The following FHIT variants were observed in gnomAD, a reference collection of about 807,000 sequenced individuals.
FHIT encodes bis(5'-adenosyl)-triphosphatase.
In FHIT, 19 loss-of-function variants were observed where a neutral mutation model predicts 17.9. The observed-to-expected ratio is 1.06, with a 90% CI of 0.74 to 1.56. The LOEUF is 1.56. Among genes scored for constraint, FHIT ranks in the 40% most tolerant of loss-of-function variants. The pLI is 0.00. For missense variants in FHIT, 248 were observed against 189.2 expected (o/e 1.31, Z -1.82); for synonymous variants, 81 against 69.7 (o/e 1.16, Z -0.81).
chr3:60,124,009 T>TAGAG lies in FHIT; in HGVS notation c.104-109861_104-109858dup, dbSNP rs1168094593. Among the ~76,000 whole-genome samples, 88 of 12,152 alleles carry TAGAG rather than the reference T, an allele frequency of 7.2e-3. 10 individuals carry two copies. The highest frequency in any genetic ancestry group is 0.013 in the East Asian group (6 of 448). The allele number at this position is 12,152 out of a possible 152,430, so 8.0% of individuals were successfully genotyped here. A position where few individuals can be genotyped will look rare whatever the true frequency, so the allele number is the denominator to read the frequency against. Reference sequence around the variant, plus strand: ...ATATATATATATATATATATATATATAGAGAGAGAGAGAGAGAGAGAGAGA... The same window carrying TAGAG: ...ATATATATATATATATATATATATATAGAGAGAGAGAGAGAGAGAGAGAGAGAGA... On this transcript the variant is annotated intron_variant, in intron 5 of 9. Transcript: ENST00000492590.
At chr3:59,873,710 A>T (rs1237525250) in intron 8 of FHIT, among the ~76,000 whole-genome samples, 4 of 151,942 alleles carry the variant, frequency 2.6e-5, no homozygotes, top group African/African-American at 9.7e-5. Context: ...GACAATGCCA[A>T]ATGTGCCCCG....
In FHIT at chr3:60,722,846, C is replaced by T. The variant is rs147116055; in HGVS notation, c.-18+99073G>A. ...CAAATGATTCTCCTGCCTCAGCCTC[C>T]CAAGTAACTGAGATTACAGGCAGGA... On this transcript the variant is annotated intron_variant, in intron 4 of 9. Coordinates refer to ENST00000492590, the MANE Select transcript of FHIT (RefSeq NM_002012.4). Among the ~76,000 whole-genome samples the T allele has an allele frequency of 3.3e-4, 50 of 151,874 alleles. 1 individual carries two copies. The East Asian group carries it at 9.7e-3, about 30-fold the overall frequency.
chr3:60,223,749 G>C (rs1018789677), intron 5 of FHIT, among the ~76,000 whole-genome samples: 2 of 152,076 alleles, frequency 1.3e-5, no homozygotes, highest in Non-Finnish European at 2.9e-5. Flanking sequence ...AGCACCACTG[G>C]TTATTCTCTG....
chr3:60,862,836 A>G (rs1575613642), intron 3 of FHIT, among the ~76,000 whole-genome samples: 2 of 144,442 alleles, frequency 1.4e-5, no homozygotes, highest in South Asian at 4.3e-4. Flanking sequence ...TGGGCGACAG[A>G]GTGAAACTCC....
intron 5 of FHIT, among the ~76,000 whole-genome samples, chr3:60,199,085 T>C (rs563555208): frequency 1.1e-4 from 16 of 152,276 alleles, no homozygotes; most frequent in African/African-American, 3.8e-4. Context: ...GCTTCATTAT[T>C]TCTGTGCAAA....
In FHIT at chr3:59,893,759, G is replaced by A. The variant is rs974720955; in HGVS notation, c.348+28587C>T. The stretch of plus-strand genomic sequence containing the variant: ...AGATTTACGTGATATTAACTCCTAT[G>A]CGTCCACAGCAGCCCCATGATCCGC... On this transcript the variant is annotated intron_variant, in intron 8 of 9. Transcript: ENST00000492590. Among the ~76,000 whole-genome samples, 3 of 152,156 alleles carry A rather than the reference G, an allele frequency of 2.0e-5. No individual in the cohort carries two copies. The East Asian group carries it at 5.8e-4, about 29-fold the overall frequency.
At chr3:59,950,618 C>T (rs1707068859) in intron 7 of FHIT, among the ~76,000 whole-genome samples, 1 of 152,128 alleles carries the variant, frequency 6.6e-6, no homozygotes, top group South Asian at 2.1e-4. Flanking sequence ...TTTCCTACTA[C>T]TCTCCACCAG....
intron 5 of FHIT, among the ~76,000 whole-genome samples, chr3:60,408,986 G>C (rs1470660046): frequency 6.6e-6 from 1 of 152,114 alleles, no homozygotes; most frequent in Non-Finnish European, 1.5e-5. Flanking sequence ...CGAGTCTGGA[G>C]TCAGACTCGG....
intron 3 of FHIT, among the ~76,000 whole-genome samples, chr3:60,915,459 G>A (rs538118886): frequency 1.4e-4 from 22 of 152,186 alleles, no homozygotes; most frequent in Admixed American, 1.2e-3. Flanking sequence ...TAATTTCAGA[G>A]GCTTCCGAGC....
At position 59,752,215 on chromosome 3, in the gene FHIT, C is replaced by G. The variant is rs759679983; in HGVS notation, c.*5+6G>C. The G allele has an allele frequency of 6.2e-7, 1 of 1,607,748 alleles. No homozygotes were observed. The highest frequency in any genetic ancestry group is 1.1e-5 in the South Asian group (1 of 90,690). ...GGTCTGGGTAATGACGAAATGCAGT[C>G]TTTACCTGTGTCACTGAAAGTAGAC... On this transcript the variant is annotated splice_donor_region_variant and intron_variant, in intron 9 of 9. Transcript: ENST00000492590.
chr3:60,092,807 T>A (rs1385531852), intron 5 of FHIT, among the ~76,000 whole-genome samples: 2 of 152,164 alleles, frequency 1.3e-5, no homozygotes, highest in Non-Finnish European at 1.5e-5. Flanking sequence ...ATCAAAAATA[T>A]CAGTGCTAAG....
intron 5 of FHIT, among the ~76,000 whole-genome samples, chr3:60,077,746 G>A (rs1455548577): frequency 2.1e-5 from 3 of 141,460 alleles, no homozygotes; most frequent in East Asian, 2.0e-4. Context: ...AGAGGGGGGG[G>A]GGAGGATACA....
intron 5 of FHIT, among the ~76,000 whole-genome samples, chr3:60,129,042 C>CCTTTTTTTT (rs1553692314): frequency 7.1e-5 from 8 of 113,010 alleles, no homozygotes; most frequent in African/African-American, 2.7e-4. Flanking sequence ...TTCTTCTTTC[C>CCTTTTTTTT]TTTTTTGTTT....
chr3:60,472,584 TG>T (rs1385297649), intron 5 of FHIT, among the ~76,000 whole-genome samples: 2 of 152,116 alleles, frequency 1.3e-5, no homozygotes, highest in African/African-American at 2.4e-5. Context: ...TTAGCCAGGA[TG>T]GTCTCGATCT....
chr3:60,899,597 C>T (rs782026092), intron 3 of FHIT, among the ~76,000 whole-genome samples: 10 of 152,140 alleles, frequency 6.6e-5, no homozygotes, highest in Admixed American at 1.3e-4. Context: ...AGCCAAAGGC[C>T]GGGGTTCATG....
chr3:60,791,465 A>T (rs559666783), intron 4 of FHIT, among the ~76,000 whole-genome samples: 2 of 152,294 alleles, frequency 1.3e-5, no homozygotes, highest in Admixed American at 1.3e-4. Context: ...GCTAAGCATA[A>T]GCTAAATGAC....
intron 8 of FHIT, among the ~76,000 whole-genome samples, chr3:59,785,547 G>T (rs935637270): frequency 1.3e-5 from 2 of 152,078 alleles, no homozygotes; most frequent in Admixed American, 6.5e-5. Context: ...CTGAACTCCT[G>T]ACCTCAAGTG....
intron 5 of FHIT, among the ~76,000 whole-genome samples, chr3:60,479,119 G>A (rs1380499401): frequency 6.6e-6 from 1 of 152,134 alleles, no homozygotes; most frequent in East Asian, 1.9e-4. Context: ...GCTTGCCCAT[G>A]GTTCAGACGT....
intron 5 of FHIT, among the ~76,000 whole-genome samples, chr3:60,114,859 T>C (rs1704883007): frequency 6.6e-6 from 1 of 152,038 alleles, no homozygotes; most frequent in Admixed American, 6.6e-5. Flanking sequence ...GATTCAAGGG[T>C]ATCCAGGTCA....
Sources: gnomAD v4.1 joint callset for allele counts (sites outside exome capture counted in the v4.1 genomes callset) on GRCh38, gnomAD v4.1.1 for gene constraint, MANE v1.5 for transcripts, NCBI Gene and HGNC (gene_info 2026-07-23, HGNC 2026-07-21) for gene names.